The following SSX1 variants were observed in gnomAD, a reference collection of about 807,000 sequenced individuals.
SSX1 encodes the protein SSX family member 1.
A neutral mutation model predicts 14.6 loss-of-function variants in SSX1; 58 were observed. That is an observed-to-expected ratio of 3.96 (90% CI 3.21 to 4.93). SSX1 has a LOEUF of 4.93. Among genes scored for constraint, SSX1 ranks in the 30% most tolerant of loss-of-function variants. The pLI is 0.00. For synonymous variants in SSX1, 46 were observed against 52.1 expected (o/e 0.88, Z 0.50); for missense variants, 272 against 143.1 (o/e 1.90, Z -4.60).
intron 4 of SSX1, among the ~76,000 whole-genome samples, chrX:48,259,121 T>A (rs1201802070): frequency 1.8e-5 from 2 of 111,334 alleles, no homozygotes; most frequent in Non-Finnish European, 3.8e-5. Context: ...CTCAGCCTCC[T>A]GAGTAGCTGG....
chrX:48,267,277 A>G lies in SSX1; in HGVS notation c.*428A>G, dbSNP rs2059627730. On this transcript the variant is annotated 3_prime_UTR_variant, in exon 8 of 8. Coordinates refer to ENST00000376919, the MANE Select transcript of SSX1 (RefSeq NM_005635.4). Reference sequence around the variant, plus strand: ...CATTTACACACACACACACACACACACGCACACACACACACCAAGTACCAG... The same window carrying G: ...CATTTACACACACACACACACACACGCGCACACACACACACCAAGTACCAG... 4.9e-6 allele frequency: 1 copy of G among 204,489 alleles called. No individual in the cohort carries two copies. Among genetic ancestry groups the G allele is most frequent in the South Asian group, 9.8e-5 (1 of 10,218 alleles). 16.9% of individuals were successfully genotyped at this position (204,489 alleles called of 1,213,427 possible).
At chrX:48,261,226 G>A (rs2059602680) in intron 4 of SSX1, among the ~76,000 whole-genome samples, 2 of 111,840 alleles carry the variant, frequency 1.8e-5, no homozygotes, top group Non-Finnish European at 3.8e-5. Context: ...CAGCTAAACA[G>A]GCCAGAATCA....
Position 48,263,892 on chromosome X carries a change from T to A in SSX1, c.441T>A (p.Ile147=). The A allele has an allele frequency of 8.3e-7, 1 of 1,210,949 alleles. No individual in the cohort carries two copies. Among genetic ancestry groups the A allele is most frequent in the Non-Finnish European group, 1.1e-6 (1 of 895,259 alleles). ...KQLHPPGKAN[I]SEKINKRSGP... is the part of the protein sequence containing the mutation. ...TGCACCCCCCAGGAAAAGCAAATAT[T>A]TCTGAGAAGATTAATAAGAGATCTG... Residue 147 remains isoleucine (I), a synonymous_variant, in exon 6 of 8, where the codon ATT becomes ATA. Coordinates refer to ENST00000376919, the MANE Select transcript of SSX1 (RefSeq NM_005635.4).
At chrX:48,266,239 A>G (rs1556936378) in intron 6 of SSX1, 48 bp from the exon 7 acceptor site, 8 of 1,208,979 alleles carry the variant, frequency 6.6e-6, no homozygotes. Context: ...AGAGCCTAAC[A>G]CTCTTCAACG....
At chrX:48,256,623 C>T (rs1194555995) in intron 1 of SSX1, among the ~76,000 whole-genome samples, 3 of 109,508 alleles carry the variant, frequency 2.7e-5, no homozygotes, top group African/African-American at 1.0e-4. Flanking sequence ...TTGAAACACC[C>T]CACATTTTCT....
At chrX:48,266,244 T>G (rs781884323) in intron 6 of SSX1, 43 bp from the exon 7 acceptor site, 26 of 1,207,681 alleles carry the variant, frequency 2.2e-5, no homozygotes, top group Middle Eastern at 6.4e-4. Context: ...CTAACACTCT[T>G]CAACGTACCC....
Position 48,267,337 on chromosome X carries a change from T to C in SSX1, c.*488T>C, listed in dbSNP as rs1386165198. On this transcript the variant is annotated 3_prime_UTR_variant, in exon 8 of 8. Coordinates refer to ENST00000376919, the MANE Select transcript of SSX1 (RefSeq NM_005635.4). The stretch of plus-strand genomic sequence containing the variant: ...CTCCCATCTGCTTTTCCCATTGCCA[T>C]GCGTCCTGGTCAAGCCCCCCTCACT... 20 of 193,388 alleles carry C rather than the reference T, an allele frequency of 1.0e-4. No individual in the cohort carries two copies. The highest frequency in any genetic ancestry group is 1.9e-4 in the African/African-American group (6 of 31,965). 15.9% of individuals were successfully genotyped at this position (193,388 alleles called of 1,213,427 possible). A position where few individuals can be genotyped will look rare whatever the true frequency, so the allele number is the denominator to read the frequency against.
chrX:48,266,555 T>C (rs2059624714), intron 7 of SSX1, among the ~76,000 whole-genome samples, 164 bp downstream of exon 7: 1 of 111,880 alleles, frequency 8.9e-6, no homozygotes, highest in Non-Finnish European at 1.9e-5. Flanking sequence ...CTCTTTCTAC[T>C]CCCTACCCTG....
intron 6 of SSX1, 93 bp from the exon 7 acceptor site, chrX:48,266,194 G>A: frequency 8.4e-7 from 1 of 1,190,516 alleles, no homozygotes; most frequent in South Asian, 1.8e-5. Flanking sequence ...ATGGGCACTT[G>A]GGAGGGAGGA....
In SSX1 at chrX:48,267,392, A is replaced by C. The variant is rs186645754; in HGVS notation, c.*543A>C. Reference sequence around the variant, plus strand: ...TTCCTGTTCAGCATGTACTCCCCTCATCCGATTCCCCTGTATCAGTCACTG... The same window carrying C: ...TTCCTGTTCAGCATGTACTCCCCTCCTCCGATTCCCCTGTATCAGTCACTG... On this transcript the variant is annotated 3_prime_UTR_variant, in exon 8 of 8. Transcript: ENST00000376919. The C allele has an allele frequency of 5.4e-4, 92 of 170,288 alleles. No homozygotes were observed. Among genetic ancestry groups the C allele is most frequent in the African/African-American group, 1.9e-3 (62 of 32,723 alleles). 14.0% of individuals were successfully genotyped at this position (170,288 alleles called of 1,213,427 possible).
chrX:48,257,836 A>G lies in SSX1; in HGVS notation c.160A>G (p.Asn54Asp), dbSNP rs1403643567. The G allele has an allele frequency of 8.4e-7, 1 of 1,195,060 alleles. No homozygotes were observed. The highest frequency in any genetic ancestry group is 1.1e-6 in the Non-Finnish European group (1 of 883,823). Residue 54 changes from asparagine to aspartate, a missense_variant, in exon 3 of 8, where the codon AAC (asparagine) becomes GAC (aspartate). Transcript: ENST00000376919. ...AATCAGCTATGTGTATATGAAGAGA[A>G]ACTATAAGGCCATGACTAAACTAGG... is the stretch of plus-strand genomic sequence containing the variant. ...EKISYVYMKR[N>D]YKAMTKLGFK...
At chrX:48,260,930 T>C (rs1569451460) in intron 4 of SSX1, among the ~76,000 whole-genome samples, 1 of 111,781 alleles carries the variant, frequency 8.9e-6, no homozygotes, top group Non-Finnish European at 1.9e-5. Context: ...CATACTTTAT[T>C]GAAACCAAAT....
At chrX:48,266,460 C>T in intron 7 of SSX1, 69 bp downstream of exon 7, 1 of 1,200,718 alleles carries the variant, frequency 8.3e-7, no homozygotes. Context: ...ACTGGTATCC[C>T]ATCTTGTCAT....
chrX:48,256,455 GT>G (rs1190862256), intron 1 of SSX1, among the ~76,000 whole-genome samples: 56 of 31,160 alleles, frequency 1.8e-3, no homozygotes, highest in African/African-American at 4.9e-3. Flanking sequence ...TTGTGTGGTT[GT>G]TTTTTTTTTT....
chrX:48,266,349 T>C lies in SSX1; in HGVS notation c.529T>C (p.Tyr177His). 3 of 1,210,194 alleles carry C rather than the reference T, an allele frequency of 2.5e-6. No homozygotes were observed. The highest frequency in any genetic ancestry group is 3.4e-6 in the Non-Finnish European group (3 of 895,364). The change falls in exon 7 of 8, where the codon TAT becomes CAT. Residue 177 changes from tyrosine (Y) to histidine (H), a missense_variant. Physicochemically the swap from Tyr to His is moderately conservative, Grantham distance 83. Coordinates refer to ENST00000376919, the MANE Select transcript of SSX1 (RefSeq NM_005635.4). The stretch of plus-strand genomic sequence containing the variant: ...GCGTGAGAGAAAGCAGCTGGTGATT[T>C]ATGAAGAGATCAGTGACCCTGAGGA... ...RLRERKQLVI[Y>H]EEISDPEEDD...
Position 48,257,761 on chromosome X carries a change from G to C in SSX1, c.85G>C (p.Ala29Pro). The C allele has an allele frequency of 8.3e-7, 1 of 1,204,292 alleles. No homozygotes were observed. Among genetic ancestry groups the C allele is most frequent in the Admixed American group, 2.2e-5 (1 of 45,281 alleles). Residue 29 changes from alanine (A) to proline (P), a missense_variant, in exon 3 of 8, where the codon GCC becomes CCC. Transcript: ENST00000376919. ...TTTTTTTTAGGCCTTTGATGATATTGCCACATACTTCTCTAAGAAAGAGTG... is the reference window on the plus strand; with the variant it reads ...TTTTTTTTAGGCCTTTGATGATATTCCCACATACTTCTCTAAGAAAGAGTG... ...EKRSKAFDDI[A>P]TYFSKKEWKK...
In SSX1 at chrX:48,257,265, A is replaced by G; in HGVS notation, c.24A>G (p.Ala8=). Residue 8 remains alanine, a synonymous_variant, in exon 2 of 8, where the codon GCA becomes GCG. Coordinates refer to ENST00000376919, the MANE Select transcript of SSX1 (RefSeq NM_005635.4). ...CCATGAACGGAGACGACACCTTTGC[A>G]AAGAGACCCAGGGATGATGCTAAAG... MNGDDTF[A]KRPRDDAKAS... is the part of the protein sequence containing the mutation. The G allele has an allele frequency of 8.3e-7, 1 of 1,211,017 alleles. No individual in the cohort carries two copies. The highest frequency in any genetic ancestry group is 1.1e-6 in the Non-Finnish European group (1 of 894,997).
At chrX:48,257,179 A>G (rs1978596763) in intron 1 of SSX1, 43 bp from the exon 2 acceptor site, 17 of 1,138,484 alleles carry the variant, frequency 1.5e-5, no homozygotes, top group East Asian at 6.0e-5. Flanking sequence ...CCATAGGACC[A>G]AGGGTCCTGT....
At position 48,263,988 on chromosome X, in the gene SSX1, G is replaced by A. The variant is rs2059614583; in HGVS notation, c.466+71G>A. 6 of 1,171,089 alleles carry A rather than the reference G, an allele frequency of 5.1e-6. No homozygotes were observed. The Admixed American group carries it at 1.4e-4, about 28-fold the overall frequency. On this transcript the variant is annotated intron_variant, in intron 6 of 7. Transcript: ENST00000376919. ...ATGTTCAGGTGTGTGGACTGGGTGT[G>A]TGGCATGGATCCCAGACAAGCCTGG... is the stretch of plus-strand genomic sequence containing the variant.
Sources: gnomAD v4.1 joint callset for allele counts (sites outside exome capture counted in the v4.1 genomes callset) on GRCh38, gnomAD v4.1.1 for gene constraint, MANE v1.5 for transcripts, NCBI Gene and HGNC (gene_info 2026-07-23, HGNC 2026-07-21) for gene names.